The following PALM2AKAP2 variants were observed in gnomAD, a reference collection of about 807,000 sequenced individuals.
PALM2AKAP2 encodes the protein PALM2-AKAP2 fusion protein.
PALM2AKAP2 carries 37 observed loss-of-function variants against 71.5 expected under a neutral mutation model. The observed-to-expected ratio is 0.52, with a 90% CI of 0.40 to 0.68. PALM2AKAP2 has a LOEUF of 0.68. PALM2AKAP2 is among the 30% of genes least tolerant of loss of function. The pLI is 0.00. For synonymous variants in PALM2AKAP2, 468 were observed against 478.8 expected (o/e 0.98, Z 0.29); for missense variants, 1,224 against 1,191.8 (o/e 1.03, Z -0.40).
intron 1 of PALM2AKAP2, among the ~76,000 whole-genome samples, chr9:109,685,042 A>C (rs942951189): frequency 6.6e-6 from 1 of 152,252 alleles, no homozygotes; most frequent in African/African-American, 2.4e-5. Context: ...GAGAAACCAG[A>C]TCTCAAAGAT....
chr9:109,862,817 C>T (rs528021923), intron 1 of PALM2AKAP2: 45 of 465,496 alleles, frequency 9.7e-5, no homozygotes, highest in African/African-American at 8.5e-4. Flanking sequence ...TGTTTTTTGT[C>T]AAATGAAGCA....
chr9:109,687,501 C>T (rs1380004420), intron 1 of PALM2AKAP2, among the ~76,000 whole-genome samples: 3 of 152,214 alleles, frequency 2.0e-5, no homozygotes, highest in South Asian at 2.1e-4. Flanking sequence ...ACCTCATGAA[C>T]GAACCTCTGC....
chr9:109,756,826 C>G (rs1828970972), intron 1 of PALM2AKAP2, among the ~76,000 whole-genome samples: 1 of 152,060 alleles, frequency 6.6e-6, no homozygotes, highest in Non-Finnish European at 1.5e-5. Flanking sequence ...TTTAGTAATT[C>G]TGACCATCTT....
At chr9:109,662,951 GCGTAGAGGTGTTT>G (rs1278174484) in intron 1 of PALM2AKAP2, among the ~76,000 whole-genome samples, 2 of 152,250 alleles carry the variant, frequency 1.3e-5, no homozygotes, top group Non-Finnish European at 2.9e-5. Flanking sequence ...AAGTTTATTT[GCGTAGAGGTGTTT>G]ATAGTATTCT....
chr9:109,915,068 G>C (rs2131910900), intron 3 of PALM2AKAP2, among the ~76,000 whole-genome samples: 1 of 152,246 alleles, frequency 6.6e-6, no homozygotes, highest in African/African-American at 2.4e-5. Flanking sequence ...AGTTTTGTTT[G>C]CCCCAGATCT....
intron 6 of PALM2AKAP2, among the ~76,000 whole-genome samples, chr9:109,934,948 TTTC>T (rs1831188364): frequency 1.3e-5 from 2 of 152,342 alleles, no homozygotes; most frequent in East Asian, 1.9e-4. Context: ...GACTATTAAA[TTTC>T]TTCTTGTTAG....
chr9:109,955,077 C>A (rs1831721944), intron 6 of PALM2AKAP2, among the ~76,000 whole-genome samples: 1 of 152,118 alleles, frequency 6.6e-6, no homozygotes, highest in Non-Finnish European at 1.5e-5. Context: ...ACCTGCCTGG[C>A]CCCTATTGGC....
chr9:109,675,777 C>T (rs1482284506), intron 1 of PALM2AKAP2, among the ~76,000 whole-genome samples: 2 of 152,178 alleles, frequency 1.3e-5, no homozygotes, highest in African/African-American at 2.4e-5. Context: ...TCCATACTGT[C>T]TCCAATTATG....
At chr9:109,937,274 C>G (rs1831244283) in intron 6 of PALM2AKAP2, among the ~76,000 whole-genome samples, 1 of 152,126 alleles carries the variant, frequency 6.6e-6, no homozygotes, top group African/African-American at 2.4e-5. Flanking sequence ...TCCCCAGAGG[C>G]CTCACACTCC....
intron 1 of PALM2AKAP2, among the ~76,000 whole-genome samples, chr9:109,758,120 A>T (rs1828993446): frequency 6.6e-6 from 1 of 152,050 alleles, no homozygotes; most frequent in African/African-American, 2.4e-5. Flanking sequence ...AAATACTAAC[A>T]TACTGCACAC....
At chr9:109,669,077 G>A (rs1356555830) in intron 1 of PALM2AKAP2, among the ~76,000 whole-genome samples, 1 of 152,134 alleles carries the variant, frequency 6.6e-6, no homozygotes, top group Non-Finnish European at 1.5e-5. Flanking sequence ...AATCGATGAA[G>A]AAAACTCACC....
chr9:110,157,493 G>A (rs1431482348), intron 3 of PALM2AKAP2, among the ~76,000 whole-genome samples: 4 of 152,032 alleles, frequency 2.6e-5, no homozygotes, highest in Non-Finnish European at 5.9e-5. Context: ...CGACCTCCTG[G>A]GTTCAGGCAA....
chr9:109,791,572 T>C (rs1827112769), intron 1 of PALM2AKAP2, among the ~76,000 whole-genome samples: 1 of 152,182 alleles, frequency 6.6e-6, no homozygotes, highest in South Asian at 2.1e-4. Flanking sequence ...CATGTAGCTT[T>C]TCTTAAGGGG....
chr9:109,944,074 T>C (rs1831444875), intron 6 of PALM2AKAP2: 1 of 152,660 alleles, frequency 6.6e-6, no homozygotes, highest in African/African-American at 2.4e-5. Flanking sequence ...AGCTGAAATG[T>C]AGGGACTGAT....
At chr9:109,977,166 C>T (rs1043762943) in intron 6 of PALM2AKAP2, among the ~76,000 whole-genome samples, 1 of 152,190 alleles carries the variant, frequency 6.6e-6, no homozygotes, top group Non-Finnish European at 1.5e-5. Context: ...ACCACTGTAT[C>T]ACATTGACTC....
At chr9:109,854,763 CTTTTTTTTT>C (rs34401582) in intron 1 of PALM2AKAP2, among the ~76,000 whole-genome samples, 40 of 66,182 alleles carry the variant, frequency 6.0e-4, no homozygotes, top group African/African-American at 2.3e-3. Flanking sequence ...AAGAATGTAT[CTTTTTTTTT>C]TTTTTTTTTT....
intron 7 of PALM2AKAP2, among the ~76,000 whole-genome samples, chr9:110,033,696 CA>C (rs1564270329): frequency 6.6e-6 from 1 of 152,036 alleles, no homozygotes; most frequent in African/African-American, 2.4e-5. Flanking sequence ...CTTTTAGAAT[CA>C]AAAAATATTT....
chr9:109,687,047 T>C (rs1387558649), intron 1 of PALM2AKAP2, among the ~76,000 whole-genome samples: 1 of 152,228 alleles, frequency 6.6e-6, no homozygotes, highest in Non-Finnish European at 1.5e-5. Flanking sequence ...ATGGTGTATA[T>C]GTGCCACATT....
intron 1 of PALM2AKAP2, among the ~76,000 whole-genome samples, chr9:109,642,021 C>T (rs1445144565): frequency 6.6e-6 from 1 of 152,172 alleles, no homozygotes; most frequent in Non-Finnish European, 1.5e-5. Context: ...AATTGAATGT[C>T]TCTGAGCCTC....
Sources: gnomAD v4.1 joint callset for allele counts (sites outside exome capture counted in the v4.1 genomes callset) on GRCh38, gnomAD v4.1.1 for gene constraint, MANE v1.5 for transcripts, NCBI Gene and HGNC (gene_info 2026-07-23, HGNC 2026-07-21) for gene names.